The following GPD2 variants were observed in gnomAD, a reference collection of about 807,000 sequenced individuals.
The protein encoded by GPD2 is glycerol-3-phosphate dehydrogenase, mitochondrial.
A neutral mutation model predicts 82.4 loss-of-function variants in GPD2; 54 were observed. The ratio of observed to expected loss-of-function variants is 0.66; its 90% CI spans 0.53 to 0.82. The LOEUF is 0.82. Ranked by LOEUF, GPD2 falls within the 40% of genes least tolerant of loss-of-function variation. The pLI, the probability that GPD2 is intolerant of heterozygous loss-of-function variation, is 0.00. For synonymous variants in GPD2, 288 were observed against 306.1 expected (o/e 0.94, Z 0.62); for missense variants, 748 against 896.2 (o/e 0.83, Z 2.11).
chr2:156,424,884 C>A, the GPD2 span, among the ~76,000 whole-genome samples: 1 of 152,034 alleles, frequency 6.6e-6, no homozygotes, highest in East Asian at 1.9e-4. Context: ...CATCTTAAAG[C>A]TTATTGTAAA....
At chr2:156,558,861 C>T (rs1176991715) in intron 9 of GPD2, among the ~76,000 whole-genome samples, 4 of 146,418 alleles carry the variant, frequency 2.7e-5, no homozygotes, top group East Asian at 2.0e-4. Context: ...CATGATCCAC[C>T]GGCCTCGGCC....
At chr2:156,436,011 A>C (rs1044832508), upstream of GPD2, among the ~76,000 whole-genome samples, 3 of 152,188 alleles carry the variant, frequency 2.0e-5, no homozygotes, top group African/African-American at 7.2e-5. Flanking sequence ...GGCACAAAGC[A>C]GGAACTGCAG....
intron 1 of GPD2, 94 bp from the exon 2 acceptor site, chr2:156,476,004 A>G: frequency 2.6e-6 from 2 of 755,874 alleles, no homozygotes; most frequent in Non-Finnish European, 4.8e-6. Context: ...CTAGTTTAAC[A>G]TGGTTTCATA....
chr2:156,441,323 A>G (rs1682168055), intron 1 of GPD2, among the ~76,000 whole-genome samples: 2 of 152,172 alleles, frequency 1.3e-5, no homozygotes, highest in Admixed American at 6.5e-5. Context: ...AGGCCAAGAC[A>G]GGAGGATAAC....
chr2:156,574,395 A>T (rs1558969666), intron 13 of GPD2, among the ~76,000 whole-genome samples: 1 of 152,182 alleles, frequency 6.6e-6, no homozygotes, highest in Non-Finnish European at 1.5e-5. Context: ...AAAGGAACTT[A>T]TTGGAGACAG....
At chr2:156,521,544 G>T (rs535605500) in intron 6 of GPD2, among the ~76,000 whole-genome samples, 2 of 152,204 alleles carry the variant, frequency 1.3e-5, no homozygotes, top group Admixed American at 6.5e-5. Flanking sequence ...ATACTCTATA[G>T]TCCACCAAAT....
the GPD2 span, among the ~76,000 whole-genome samples, chr2:156,403,612 G>GGTGTGTGTGTGTGTGTGT: frequency 1.4e-5 from 2 of 147,924 alleles, no homozygotes; most frequent in African/African-American, 4.9e-5. Flanking sequence ...GCATTCAAAG[G>GGTGTGTGTGTGTGTGTGT]GTGTGTGTGT....
intron 1 of GPD2, among the ~76,000 whole-genome samples, chr2:156,474,500 C>T (rs1683436789): frequency 6.6e-6 from 1 of 152,138 alleles, no homozygotes; most frequent in Non-Finnish European, 1.5e-5. Flanking sequence ...CAGTGCTCCA[C>T]CCCTACAAGG....
chr2:156,526,485 T>C (rs1364593473), intron 6 of GPD2, among the ~76,000 whole-genome samples: 3 of 152,192 alleles, frequency 2.0e-5, no homozygotes, highest in Non-Finnish European at 4.4e-5. Flanking sequence ...GTCTTTTAAA[T>C]AGATGAGTCT....
At chr2:156,445,206 A>G (rs1229421662) in intron 1 of GPD2, among the ~76,000 whole-genome samples, 1 of 152,240 alleles carries the variant, frequency 6.6e-6, no homozygotes, top group Non-Finnish European at 1.5e-5. Context: ...TAATGTATCA[A>G]CAGTGAACCC....
At chr2:156,522,683 CTTTT>C (rs35120661) in intron 6 of GPD2, among the ~76,000 whole-genome samples, 3 of 134,536 alleles carry the variant, frequency 2.2e-5, no homozygotes, top group African/African-American at 2.7e-5. Flanking sequence ...GTTTTTTAAG[CTTTT>C]TTTTTTTTTT....
chr2:156,505,620 G>A (rs1365198096), intron 3 of GPD2, among the ~76,000 whole-genome samples: 1 of 152,126 alleles, frequency 6.6e-6, no homozygotes, highest in Non-Finnish European at 1.5e-5. Context: ...GCCCTTCCCT[G>A]CCTGTAATGT....
chr2:156,432,477 T>G (rs1688329195), upstream of GPD2, among the ~76,000 whole-genome samples: 3 of 152,136 alleles, frequency 2.0e-5, no homozygotes, highest in Non-Finnish European at 4.4e-5. Context: ...ATGATTTAGC[T>G]CACACTTACA....
At chr2:156,537,645 C>G (rs1686133015) in intron 6 of GPD2, among the ~76,000 whole-genome samples, 1 of 152,114 alleles carries the variant, frequency 6.6e-6, no homozygotes, top group South Asian at 2.1e-4. Flanking sequence ...ACATTTGAGT[C>G]TTACTACATG....
chr2:156,494,345 G>A (rs1481596035), intron 2 of GPD2, among the ~76,000 whole-genome samples: 5 of 152,170 alleles, frequency 3.3e-5, no homozygotes, highest in Non-Finnish European at 1.5e-5. Flanking sequence ...ATAATCCAAA[G>A]ATACAAGGAG....
chr2:156,408,927 G>A, the GPD2 span, among the ~76,000 whole-genome samples: 1 of 152,146 alleles, frequency 6.6e-6, no homozygotes, highest in African/African-American at 2.4e-5. Context: ...GTCTTTGCAG[G>A]TGATCAAGTA....
At chr2:156,459,186 C>G (rs752533611) in intron 1 of GPD2, among the ~76,000 whole-genome samples, 2 of 152,040 alleles carry the variant, frequency 1.3e-5, no homozygotes, top group Non-Finnish European at 2.9e-5. Flanking sequence ...TTTAAGGGTG[C>G]CATTTATTTT....
intron 1 of GPD2, among the ~76,000 whole-genome samples, chr2:156,445,472 A>G (rs930734152): frequency 1.3e-5 from 2 of 152,208 alleles, no homozygotes; most frequent in African/African-American, 4.8e-5. Context: ...GTTTTCACCA[A>G]TGATGCTGAA....
chr2:156,535,434 T>TGG (rs1553474568), intron 6 of GPD2, among the ~76,000 whole-genome samples: 1,715 of 61,028 alleles, frequency 0.028, 32 homozygotes, highest in Non-Finnish European at 0.037. Flanking sequence ...GAGAGGGGGG[T>TGG]GGGGAGAGAG....
Sources: allele counts gnomAD v4.1 joint callset (sites outside exome capture counted in the v4.1 genomes callset), GRCh38; gene constraint gnomAD v4.1.1; transcripts MANE v1.5; gene names NCBI Gene and HGNC (gene_info 2026-07-23, HGNC 2026-07-21).